Variants in STOML3 observed in about 807,000 individuals in gnomAD.
The protein encoded by STOML3 is stomatin-like protein 3.
STOML3 carries 31 observed loss-of-function variants against 29.5 expected under a neutral mutation model. That is an observed-to-expected ratio of 1.05 (90% CI 0.79 to 1.42). The LOEUF is 1.42. Ranked by LOEUF, STOML3 falls within the 40% of genes most tolerant of loss-of-function variation. STOML3 has a pLI of 0.00. For synonymous variants in STOML3, 122 were observed against 139.8 expected (o/e 0.87, Z 0.90); for missense variants, 380 against 363.0 (o/e 1.05, Z -0.38).
At position 38,970,363 on chromosome 13, in the gene STOML3, G is replaced by A; in HGVS notation, c.338C>T (p.Thr113Ile). 1.2e-6 allele frequency: 2 copies of A among 1,614,124 alleles called. No individual in the cohort carries two copies. The highest frequency in any genetic ancestry group is 1.7e-6 in the Non-Finnish European group (2 of 1,180,020). The part of the protein sequence containing the change: ...QEILTRDSVT[T>I]QVDGVVYYRI... The stretch of plus-strand genomic sequence containing the variant: ...GTAATAGACAACTCCATCTACCTGA[G>A]TAGTTACGGAGTCTCTGGTGAGGAT... Residue 113 changes from threonine (T) to isoleucine (I), a missense_variant, in exon 5 of 7, where the codon ACT (threonine) becomes ATT (isoleucine). Coordinates refer to ENST00000379631, the MANE Select transcript of STOML3 (RefSeq NM_145286.3).
rs397851686 is a variant in STOML3 at position 38,977,750 on chromosome 13, A to ATTTTTTTTTTTTTTTTTTTTTTTTT, written c.53-978_53-954dup. Reference sequence around the variant, plus strand: ...ATTATATAATTTCTGAAGTCTCCGGATTTTTTTTTTTTTTTTTTTTTTTTT... The same window carrying ATTTTTTTTTTTTTTTTTTTTTTTTT: ...ATTATATAATTTCTGAAGTCTCCGGATTTTTTTTTTTTTTTTTTTTTTTTTTTTTTTTTTTTTTTTTTTTTTTTTT... On this transcript the variant is annotated intron_variant, in intron 1 of 6. Coordinates refer to ENST00000379631, the MANE Select transcript of STOML3 (RefSeq NM_145286.3). Among the ~76,000 whole-genome samples, 72 of 84,234 alleles carry ATTTTTTTTTTTTTTTTTTTTTTTTT rather than the reference A, an allele frequency of 8.5e-4. 2 individuals are homozygous for ATTTTTTTTTTTTTTTTTTTTTTTTT. The highest frequency in any genetic ancestry group is 2.2e-3 in the Admixed American group (12 of 5,470). 55.3% of individuals were successfully genotyped at this position (84,234 alleles called of 152,430 possible). A position where few individuals can be genotyped will look rare whatever the true frequency, so the allele number is the denominator to read the frequency against.
intron 1 of STOML3, among the ~76,000 whole-genome samples, chr13:38,982,585 T>A (rs1211388074): frequency 1.3e-5 from 2 of 152,180 alleles, no homozygotes; most frequent in African/African-American, 2.4e-5. Flanking sequence ...TTGTTTCAGA[T>A]AATACTTGTT....
At chr13:38,977,009 C>T (rs9532315) in intron 1 of STOML3, among the ~76,000 whole-genome samples, 1 of 152,178 alleles carries the variant, frequency 6.6e-6, no homozygotes, top group Admixed American at 6.5e-5. Context: ...TGACTTATTC[C>T]TTCCAAGAAA....
chr13:38,974,247 C>A (rs531701631), intron 3 of STOML3, among the ~76,000 whole-genome samples: 5 of 152,056 alleles, frequency 3.3e-5, no homozygotes, highest in South Asian at 4.1e-4. Flanking sequence ...ATCAAAAAGG[C>A]TTTGCATTAT....
chr13:38,986,368 T>C (rs1389309575), intron 1 of STOML3, among the ~76,000 whole-genome samples: 2 of 152,028 alleles, frequency 1.3e-5, no homozygotes, highest in Non-Finnish European at 2.9e-5. Context: ...AAATTTAAAA[T>C]TATCATGTCA....
At chr13:38,988,131 TTATATCA>T (rs1449292600) in intron 1 of STOML3, among the ~76,000 whole-genome samples, 6 of 100,680 alleles carry the variant, frequency 6.0e-5, no homozygotes, top group African/African-American at 2.5e-4. Context: ...ATATTATATT[TTATATCA>T]TATATTTTAT....
At chr13:38,987,841 TTTATATAATATATTATATG>T (rs1868661493) in intron 1 of STOML3, among the ~76,000 whole-genome samples, 4 of 95,930 alleles carry the variant, frequency 4.2e-5, no homozygotes, top group South Asian at 2.8e-4. Context: ...TATATTATAT[TTTATATAATATATTATATG>T]TTATATATAA....
chr13:38,975,066 A>AT (rs1018112092), intron 3 of STOML3, among the ~76,000 whole-genome samples: 4 of 152,144 alleles, frequency 2.6e-5, no homozygotes, highest in African/African-American at 9.7e-5. Context: ...GTGGTGGCTC[A>AT]TGCTTGTAAT....
At chr13:38,967,499 G>A (rs946578887) in intron 6 of STOML3, among the ~76,000 whole-genome samples, 6 of 152,034 alleles carry the variant, frequency 3.9e-5, no homozygotes, top group African/African-American at 9.7e-5. Context: ...CTTACAAACC[G>A]AGAATTGTTT....
In STOML3 at chr13:38,971,180, A is replaced by G. The variant is rs189926400; in HGVS notation, c.313-792T>C. On this transcript the variant is annotated intron_variant, in intron 4 of 6. Transcript: ENST00000379631. ...CCTGAGTAGCTGGGATTACAGGTGC[A>G]TGCCACCATGCCCAGCTAATTTTTG... 3.1e-3 allele frequency among the ~76,000 whole-genome samples: 464 copies of G among 152,110 alleles called. 4 individuals are homozygous for G. Among genetic ancestry groups the G allele is most frequent in the African/African-American group, 0.01 (434 of 41,494 alleles).
At chr13:38,968,872 G>T (rs1267532652) in intron 5 of STOML3, among the ~76,000 whole-genome samples, 1 of 152,082 alleles carries the variant, frequency 6.6e-6, no homozygotes, top group Non-Finnish European at 1.5e-5. Flanking sequence ...CTTGTACCTG[G>T]TATCAAGCAG....
intron 3 of STOML3, among the ~76,000 whole-genome samples, chr13:38,975,705 C>T (rs1881048904): frequency 6.6e-6 from 1 of 152,048 alleles, no homozygotes; most frequent in South Asian, 2.1e-4. Context: ...TCCTATGGTT[C>T]AACTAGATAT....
At chr13:38,970,871 T>A (rs1880839219) in intron 4 of STOML3, among the ~76,000 whole-genome samples, 1 of 152,128 alleles carries the variant, frequency 6.6e-6, no homozygotes. Flanking sequence ...ATGGAGAGGC[T>A]CAGCATCAAT....
At chr13:38,984,351 A>G (rs1200978370) in intron 1 of STOML3, among the ~76,000 whole-genome samples, 1 of 152,092 alleles carries the variant, frequency 6.6e-6, no homozygotes, top group Non-Finnish European at 1.5e-5. Context: ...GCCTCAGCTC[A>G]AACATCCCCT....
intron 3 of STOML3, among the ~76,000 whole-genome samples, chr13:38,975,269 C>A (rs923203240): frequency 2.0e-5 from 3 of 149,828 alleles, no homozygotes; most frequent in Admixed American, 6.7e-5. Flanking sequence ...TGCAGTGAGC[C>A]GAGATCACGC....
Position 38,966,761 on chromosome 13 carries a change from T to C in STOML3, c.*64A>G, listed in dbSNP as rs1328311405. The C allele has an allele frequency of 7.4e-7, 1 of 1,349,126 alleles. No individual in the cohort carries two copies. Among genetic ancestry groups the C allele is most frequent in the Non-Finnish European group, 1.1e-6 (1 of 951,412 alleles). 83.6% of individuals were successfully genotyped at this position (1,349,126 alleles called of 1,614,324 possible). A position where few individuals can be genotyped will look rare whatever the true frequency, so the allele number is the denominator to read the frequency against. On this transcript the variant is annotated 3_prime_UTR_variant, in exon 7 of 7. Transcript: ENST00000379631. Reference sequence around the variant, plus strand: ...TGTTGGAATTCTCACCGTTTCTAACTACTGGCTTCTCCATAGGAATAGACA... The same window carrying C: ...TGTTGGAATTCTCACCGTTTCTAACCACTGGCTTCTCCATAGGAATAGACA...
At chr13:38,979,481 A>G (rs572306625) in intron 1 of STOML3, among the ~76,000 whole-genome samples, 33 of 152,326 alleles carry the variant, frequency 2.2e-4, no homozygotes, top group African/African-American at 6.3e-4. Context: ...ATTTACATAC[A>G]TATATCTACA....
chr13:38,976,861 ATGGGTG>A, intron 1 of STOML3, 64 bp from the exon 2 acceptor site: 2 of 1,388,046 alleles, frequency 1.4e-6, no homozygotes, highest in South Asian at 2.5e-5. Context: ...ACCCAGCTGC[ATGGGTG>A]TGGAACCTAT....
chr13:38,978,612 A>G (rs1490242296), intron 1 of STOML3, among the ~76,000 whole-genome samples: 1 of 152,274 alleles, frequency 6.6e-6, no homozygotes, highest in East Asian at 1.9e-4. Flanking sequence ...AACGCCATAT[A>G]CTGTCTATCT....
Sources: allele counts gnomAD v4.1 joint callset (sites outside exome capture counted in the v4.1 genomes callset), GRCh38; gene constraint gnomAD v4.1.1; transcripts MANE v1.5; gene names NCBI Gene and HGNC (gene_info 2026-07-23, HGNC 2026-07-21).